TPD52: variants seen among roughly 807,000 people sequenced by gnomAD.
TPD52 encodes tumor protein D52.
A neutral mutation model predicts 31.3 loss-of-function variants in TPD52; 17 were observed. The observed-to-expected ratio is 0.54, with a 90% CI of 0.37 to 0.82. The LOEUF (loss-of-function observed/expected upper bound fraction) is 0.82. TPD52 is among the 40% of genes least tolerant of loss of function. The probability of loss-of-function intolerance (pLI) is 0.00; values close to 1 mark genes in which losing one functional copy is unlikely to be tolerated. For synonymous variants in TPD52, 83 were observed against 89.6 expected (o/e 0.93, Z 0.42); for missense variants, 212 against 240.1 (o/e 0.88, Z 0.77).
At chr8:80,084,586 T>C (rs950134768) in intron 1 of TPD52, among the ~76,000 whole-genome samples, 23 of 152,324 alleles carry the variant, frequency 1.5e-4, no homozygotes, top group African/African-American at 4.8e-4. Flanking sequence ...TGCCTCCAGC[T>C]ACCCTGGGCT....
rs554751878 is a variant in TPD52, at chr8:80,117,998, C to T, written c.20-53405G>A. Among the ~76,000 whole-genome samples, 60 of 152,162 alleles carry T rather than the reference C, an allele frequency of 3.9e-4. 2 individuals carry two copies. The South Asian group carries it at 0.012, about 30-fold the overall frequency. ...CCGCCCACCTCAGCCTCCCAAAGTG[C>T]CAGGATTACAGGTGTGAGCCACCGC... On this transcript the variant is annotated intron_variant, in intron 1 of 7. Coordinates refer to ENST00000518937, the MANE Select transcript of TPD52 (RefSeq NM_001025253.3).
chr8:80,101,720 G>A (rs1806756006), intron 1 of TPD52, among the ~76,000 whole-genome samples: 1 of 152,230 alleles, frequency 6.6e-6, no homozygotes, highest in East Asian at 1.9e-4. Context: ...CTTTGAAACA[G>A]CCAGCTCTCG....
At chr8:80,107,745 ATG>A (rs1807232767) in intron 1 of TPD52, among the ~76,000 whole-genome samples, 1 of 150,958 alleles carries the variant, frequency 6.6e-6, no homozygotes, top group Non-Finnish European at 1.5e-5. Flanking sequence ...ACTGACCCAA[ATG>A]TGTGTTTTTT....
chr8:80,076,392 C>T (rs547087662), intron 1 of TPD52, among the ~76,000 whole-genome samples: 47 of 152,142 alleles, frequency 3.1e-4, no homozygotes, highest in Non-Finnish European at 6.3e-4. Context: ...CCTTAGCAAA[C>T]TAACACAGGA....
intron 1 of TPD52, among the ~76,000 whole-genome samples, chr8:80,132,295 C>T (rs1040977683): frequency 2.0e-5 from 3 of 152,162 alleles, no homozygotes; most frequent in African/African-American, 7.2e-5. Context: ...TCCACACCAA[C>T]ATAATACAAA....
chr8:80,170,072 C>T (rs1369140217), intron 1 of TPD52, among the ~76,000 whole-genome samples: 1 of 151,896 alleles, frequency 6.6e-6, no homozygotes, highest in Admixed American at 6.6e-5. Flanking sequence ...TGAAGGGGAG[C>T]GAGGAAAGAG....
intron 1 of TPD52, among the ~76,000 whole-genome samples, chr8:80,127,082 G>A (rs1398506254): frequency 1.3e-5 from 2 of 151,360 alleles, no homozygotes; most frequent in African/African-American, 4.9e-5. Context: ...GTATTCTAGA[G>A]CCTGGGCAAT....
At chr8:80,047,381 T>C (rs537978479) in intron 5 of TPD52, among the ~76,000 whole-genome samples, 3 of 152,334 alleles carry the variant, frequency 2.0e-5, no homozygotes, top group Admixed American at 1.3e-4. Flanking sequence ...AATTGAAACA[T>C]GAATTAGCAT....
intron 5 of TPD52, among the ~76,000 whole-genome samples, chr8:80,048,162 G>T (rs1258219430): frequency 1.3e-5 from 2 of 152,098 alleles, no homozygotes; most frequent in Non-Finnish European, 2.9e-5. Flanking sequence ...CGTCCTCCTT[G>T]GCCTTGCTAC....
At chr8:80,164,348 T>G (rs1026773576) in intron 1 of TPD52, among the ~76,000 whole-genome samples, 8 of 152,182 alleles carry the variant, frequency 5.3e-5, no homozygotes, top group African/African-American at 1.9e-4. Context: ...ATTTAGTACA[T>G]GACAACAGTG....
chr8:80,097,146 C>T (rs895566152), intron 1 of TPD52, among the ~76,000 whole-genome samples: 1 of 152,004 alleles, frequency 6.6e-6, no homozygotes, highest in African/African-American at 2.4e-5. Context: ...CAGCTCAACA[C>T]TCCCTCAAGC....
chr8:80,074,617 C>T (rs1231632870), intron 1 of TPD52, among the ~76,000 whole-genome samples: 1 of 152,232 alleles, frequency 6.6e-6, no homozygotes, highest in Non-Finnish European at 1.5e-5. Context: ...CCCACACCCA[C>T]ACCCAGTTGT....
intron 1 of TPD52, among the ~76,000 whole-genome samples, chr8:80,151,693 A>T: frequency 6.6e-6 from 1 of 152,170 alleles, no homozygotes. Context: ...TTAACCAATC[A>T]GCTTTTTTTT....
intron 5 of TPD52, among the ~76,000 whole-genome samples, chr8:80,049,020 T>A (rs1811122129): frequency 6.6e-6 from 1 of 152,214 alleles, no homozygotes; most frequent in Non-Finnish European, 1.5e-5. Flanking sequence ...CACTGAGCCA[T>A]ATCTAGGTAT....
At chr8:80,117,445 C>T (rs1380006229) in intron 1 of TPD52, among the ~76,000 whole-genome samples, 5 of 152,014 alleles carry the variant, frequency 3.3e-5, no homozygotes, top group Non-Finnish European at 7.4e-5. Context: ...TTGAAAACTA[C>T]AAAATATGGC....
intron 1 of TPD52, among the ~76,000 whole-genome samples, chr8:80,114,826 T>C (rs1379240717): frequency 6.6e-6 from 1 of 152,190 alleles, no homozygotes; most frequent in Non-Finnish European, 1.5e-5. Context: ...TGAAACGGTG[T>C]CTGTTTCAAA....
chr8:80,101,443 C>T (rs1806728080), intron 1 of TPD52, among the ~76,000 whole-genome samples: 1 of 108,854 alleles, frequency 9.2e-6, no homozygotes, highest in South Asian at 3.2e-4. Flanking sequence ...GTGAGACTCC[C>T]AGCTCAAAAA....
chr8:80,155,440 G>C (rs955777038), intron 1 of TPD52, among the ~76,000 whole-genome samples: 1 of 152,146 alleles, frequency 6.6e-6, no homozygotes, highest in Non-Finnish European at 1.5e-5. Context: ...AACCAGGTAG[G>C]GGGTGTCATG....
chr8:80,095,791 T>C (rs1048086630), intron 1 of TPD52, among the ~76,000 whole-genome samples: 2 of 151,984 alleles, frequency 1.3e-5, no homozygotes, highest in South Asian at 2.1e-4. Flanking sequence ...CCACTAAAAA[T>C]ACAAAAATTA....
Sources: gnomAD v4.1 joint callset for allele counts (sites outside exome capture counted in the v4.1 genomes callset) on GRCh38, gnomAD v4.1.1 for gene constraint, MANE v1.5 for transcripts, NCBI Gene and HGNC (gene_info 2026-07-23, HGNC 2026-07-21) for gene names.